Variants in PDCD5 observed in about 807,000 individuals in gnomAD.
PDCD5 encodes programmed cell death 5, also known as programmed cell death protein 5.
A neutral mutation model predicts 21.9 loss-of-function variants in PDCD5; 23 were observed. The observed-to-expected ratio is 1.05, with a 90% CI of 0.76 to 1.49. The LOEUF (loss-of-function observed/expected upper bound fraction) is 1.49, where lower values mean the gene tolerates loss of function less well. Among genes scored for constraint, PDCD5 ranks in the 40% most tolerant of loss-of-function variants. PDCD5 has a pLI of 0.00. For missense variants in PDCD5, 152 were observed against 147.7 expected (o/e 1.03, Z -0.15); for synonymous variants, 45 against 49.4 (o/e 0.91, Z 0.37).
Position 32,582,202 on chromosome 19 carries a change from G to C in PDCD5, c.74G>C (p.Gly25Ala). ...AELQAKHGDP[G>A]DAAQQEAKHR... ...TAAGTTTTTTTTTTCCAGGATCCTG[G>C]TGATGCGGCCCAACAGGAAGCAAAG... Residue 25 changes from glycine to alanine, a missense_variant, in exon 2 of 6, where the codon GGT (glycine) becomes GCT (alanine). Physicochemically the swap from Gly to Ala is moderately conservative, Grantham distance 60. Coordinates refer to ENST00000590247, the MANE Select transcript of PDCD5 (RefSeq NM_004708.4). 1 of 1,612,564 alleles carries C rather than the reference G, an allele frequency of 6.2e-7. No individual in the cohort carries two copies. The highest frequency in any genetic ancestry group is 1.1e-5 in the South Asian group (1 of 90,916).
chr19:32,583,025 A>G (rs1315017318), intron 2 of PDCD5, among the ~76,000 whole-genome samples: 1 of 152,232 alleles, frequency 6.6e-6, no homozygotes, highest in East Asian at 1.9e-4. Context: ...TCATTGTCAC[A>G]TATCTGAAAT....
At chr19:32,585,397 A>C (rs558825641) in intron 3 of PDCD5, among the ~76,000 whole-genome samples, 18 of 152,334 alleles carry the variant, frequency 1.2e-4, no homozygotes, top group African/African-American at 3.8e-4. Context: ...ATAAAAACCA[A>C]AACCTGTAGA....
chr19:32,582,791 GA>G lies in PDCD5; in HGVS notation c.104+562del, dbSNP rs1195153903. ...TAGAATGTTTTCATCTTGCAAGACT[GA>G]AACCTTTAGCTACTGGACAATTCTC... On this transcript the variant is annotated intron_variant, in intron 2 of 5. Transcript: ENST00000590247. 2.0e-5 allele frequency among the ~76,000 whole-genome samples: 3 copies of G among 152,158 alleles called. No homozygotes were observed. The East Asian group carries it at 5.8e-4, about 29-fold the overall frequency.
In PDCD5 at chr19:32,582,246, A is replaced by G. The variant is rs767733413; in HGVS notation, c.104+14A>G. 1 of 1,608,628 alleles carries G rather than the reference A, an allele frequency of 6.2e-7. No individual in the cohort carries two copies. Among genetic ancestry groups the G allele is most frequent in the Non-Finnish European group, 8.5e-7 (1 of 1,175,322 alleles). On this transcript the variant is annotated intron_variant, in intron 2 of 5. Coordinates refer to ENST00000590247, the MANE Select transcript of PDCD5 (RefSeq NM_004708.4). ...AGCAAAGCACAGGTATGGGCTGGAA[A>G]CGTGAACTTTTTGAAGGGTGGTTTC... is the stretch of plus-strand genomic sequence containing the variant.
At chr19:32,582,300 T>A in intron 2 of PDCD5, 68 bp downstream of exon 2, 1 of 1,383,386 alleles carries the variant, frequency 7.2e-7, no homozygotes, top group Non-Finnish European at 1.0e-6. Context: ...GCTGTAGTTA[T>A]TTTAAGCAGG....
rs187204260 is a variant in PDCD5 at position 32,586,258 on chromosome 19, C to T, written c.258+351C>T. ...GGTGTGTTTTGCAGATGAGAAGGTG[C>T]TAAGATGCCTTGCTTATGTTCTCTG... On this transcript the variant is annotated intron_variant, in intron 4 of 5. Coordinates refer to ENST00000590247, the MANE Select transcript of PDCD5 (RefSeq NM_004708.4). The T allele has an allele frequency of 1.9e-5, 27 of 1,426,170 alleles. No individual in the cohort carries two copies. In the African/African-American group the frequency reaches 3.3e-4, roughly 17 times the overall value. 88.3% of individuals were successfully genotyped at this position (1,426,170 alleles called of 1,614,324 possible).
In PDCD5 at chr19:32,586,840, CTT is replaced by C; in HGVS notation, c.259-15_259-14del. 6.3e-7 allele frequency: 1 copy of C among 1,593,070 alleles called. No individual in the cohort carries two copies. ...TTTAAAAAAGTACTGTTTTTCTTAT[CTT>C]TTCTGGTTCTCCTAGGTATCAGAAC... On this transcript the variant is annotated splice_polypyrimidine_tract_variant and intron_variant, in intron 4 of 5. Coordinates refer to ENST00000590247, the MANE Select transcript of PDCD5 (RefSeq NM_004708.4).
At chr19:32,583,585 A>G (rs1710203367) in intron 2 of PDCD5, among the ~76,000 whole-genome samples, 2 of 151,374 alleles carry the variant, frequency 1.3e-5, no homozygotes, top group East Asian at 2.0e-4. Context: ...TAGACCTCTC[A>G]TTTTAGGGTT....
chr19:32,586,106 G>T, intron 4 of PDCD5, 199 bp downstream of exon 4: 1 of 1,526,370 alleles, frequency 6.6e-7, no homozygotes. Flanking sequence ...CTTTCCTGGC[G>T]TTGCTCTGGA....
chr19:32,585,060 A>G (rs1568388032), intron 3 of PDCD5, 49 bp downstream of exon 3: 2 of 1,303,672 alleles, frequency 1.5e-6, no homozygotes, highest in Non-Finnish European at 2.2e-6. Context: ...AGTTAGTTGA[A>G]TGGGGTGATT....
chr19:32,586,661 G>A (rs1599723547), intron 4 of PDCD5, 197 bp from the exon 5 acceptor site: 2 of 1,303,706 alleles, frequency 1.5e-6, no homozygotes, highest in East Asian at 6.2e-5. Context: ...CTTCTCAAGT[G>A]AGGAATAGCA....
rs1351370077 is a variant in PDCD5 at position 32,581,272 on chromosome 19, A to G, written c.11A>G (p.Glu4Gly). Residue 4 changes from glutamate (E) to glycine (G), a missense_variant, in exon 1 of 6, where the codon GAG becomes GGG. Transcript: ENST00000590247. Reference protein sequence around the residue: MADEELEALRRQRL... With the variant: MADGELEALRRQRL... ...CGCTGACGCCGAGCCATGGCGGACG[A>G]GGAGCTTGAGGCGCTGAGGAGACAG... 5 of 1,525,812 alleles carry G rather than the reference A, an allele frequency of 3.3e-6. No individual in the cohort carries two copies. The highest frequency in any genetic ancestry group is 4.4e-6 in the Non-Finnish European group (5 of 1,140,818). 94.5% of individuals were successfully genotyped at this position (1,525,812 alleles called of 1,614,324 possible).
rs773582633 is a variant in PDCD5 at position 32,586,917 on chromosome 19, A to G, written c.318A>G (p.Thr106=). 8 of 1,611,368 alleles carry G rather than the reference A, an allele frequency of 5.0e-6. No individual in the cohort carries two copies. The highest frequency in any genetic ancestry group is 5.9e-6 in the Non-Finnish European group (7 of 1,178,398). The change falls in exon 5 of 6, where the codon ACA becomes ACG. Residue 106 remains threonine, a synonymous_variant. Coordinates refer to ENST00000590247, the MANE Select transcript of PDCD5 (RefSeq NM_004708.4). ...LKKVSQQTEK[T]TTVKFNRRKV... is the part of the protein sequence containing the mutation. ...AAGTAAGCCAACAAACAGAAAAGAC[A>G]ACAACAGTGAAAGTAAGTGTCCCCA...
chr19:32,587,037 T>C, intron 5 of PDCD5, 108 bp downstream of exon 5: 1 of 1,072,552 alleles, frequency 9.3e-7, no homozygotes, highest in East Asian at 2.4e-5. Flanking sequence ...CATTTTCCTT[T>C]TGTCAAACAC....
chr19:32,581,200 G>A lies in PDCD5; in HGVS notation c.-62G>A. Reference sequence around the variant, plus strand: ...CGCGAGCGCCTGCGCAGTGGTCAAGGCCGCGCTCGCGCCGAGGGGCTGCGA... The same window carrying A: ...CGCGAGCGCCTGCGCAGTGGTCAAGACCGCGCTCGCGCCGAGGGGCTGCGA... On this transcript the variant is annotated 5_prime_UTR_variant, in exon 1 of 6. Coordinates refer to ENST00000590247, the MANE Select transcript of PDCD5 (RefSeq NM_004708.4). 7.8e-7 allele frequency: 1 copy of A among 1,285,316 alleles called. No homozygotes were observed. Among genetic ancestry groups the A allele is most frequent in the Non-Finnish European group, 1.0e-6 (1 of 963,126 alleles). The allele number at this position is 1,285,316 out of a possible 1,614,324, so 79.6% of individuals were successfully genotyped here. A position where few individuals can be genotyped will look rare whatever the true frequency, so the allele number is the denominator to read the frequency against.
At chr19:32,584,703 G>A (rs968038259) in intron 2 of PDCD5, among the ~76,000 whole-genome samples, 1 of 152,216 alleles carries the variant, frequency 6.6e-6, no homozygotes, top group Non-Finnish European at 1.5e-5. Context: ...CCACTCTGAT[G>A]AAACTGTAAA....
chr19:32,582,195 G>T lies in PDCD5; in HGVS notation c.67G>T (p.Asp23Tyr), dbSNP rs770079518. 5.6e-6 allele frequency: 9 copies of T among 1,611,306 alleles called. No homozygotes were observed. Among genetic ancestry groups the T allele is most frequent in the Non-Finnish European group, 5.9e-6 (7 of 1,178,184 alleles). Residue 23 changes from aspartate to tyrosine, a missense_variant and splice_region_variant, in exon 2 of 6, where the codon GAT (aspartate) becomes TAT (tyrosine). Physicochemically the swap from Asp to Tyr is radical, Grantham distance 160. Coordinates refer to ENST00000590247, the MANE Select transcript of PDCD5 (RefSeq NM_004708.4). ...RLAELQAKHGDPGDAAQQEAK... is the reference protein window; with the variant it reads ...RLAELQAKHGYPGDAAQQEAK... The stretch of plus-strand genomic sequence containing the variant: ...TTAAATTTAAGTTTTTTTTTTCCAG[G>T]ATCCTGGTGATGCGGCCCAACAGGA...
intron 1 of PDCD5, 58 bp downstream of exon 1, chr19:32,581,385 G>T: frequency 1.6e-6 from 2 of 1,245,552 alleles, no homozygotes; most frequent in Non-Finnish European, 2.1e-6. Context: ...CTCGCCCGGA[G>T]TGTAGGGCGC....
In PDCD5 at chr19:32,585,876, A is replaced by G. The variant is rs151218453; in HGVS notation, c.227A>G (p.Gln76Arg). 1 of 1,611,784 alleles carries G rather than the reference A, an allele frequency of 6.2e-7. No homozygotes were observed. The highest frequency in any genetic ancestry group is 1.3e-5 in the African/African-American group (1 of 75,010). ...KTKAVENYLI[Q>R]MARYGQLSEK... ...AAAGCAGTAGAGAATTACCTTATAC[A>G]GATGGCAAGATATGGACAACTAAGT... The change falls in exon 4 of 6, where the codon CAG becomes CGG. Residue 76 changes from glutamine to arginine, a missense_variant. Physicochemically the swap from Gln to Arg is conservative, Grantham distance 43. Coordinates refer to ENST00000590247, the MANE Select transcript of PDCD5 (RefSeq NM_004708.4).
Sources: allele counts gnomAD v4.1 joint callset (sites outside exome capture counted in the v4.1 genomes callset), GRCh38; gene constraint gnomAD v4.1.1; transcripts MANE v1.5; gene names NCBI Gene and HGNC (gene_info 2026-07-23, HGNC 2026-07-21).